MAN1B1: variants seen among roughly 807,000 people sequenced by gnomAD.
MAN1B1 encodes the protein endoplasmic reticulum mannosyl-oligosaccharide 1,2-alpha-mannosidase.
MAN1B1 carries 66 observed loss-of-function variants against 75.5 expected under a neutral mutation model. That is an observed-to-expected ratio of 0.87 (90% CI 0.72 to 1.07). The LOEUF (loss-of-function observed/expected upper bound fraction) is 1.07, where lower values mean the gene tolerates loss of function less well. Among genes scored for constraint, MAN1B1 ranks in the 50% least tolerant of loss-of-function variants. The probability of loss-of-function intolerance (pLI) is 0.00; values close to 1 mark genes in which losing one functional copy is unlikely to be tolerated. For synonymous variants in MAN1B1, 453 were observed against 382.8 expected, an observed-to-expected ratio of 1.18 and a Z score of -2.14; for missense variants, 973 against 912.5, an observed-to-expected ratio of 1.07 and a Z score of -0.85.
intron 6 of MAN1B1, 146 bp from the exon 7 acceptor site, chr9:137,100,859 A>T (rs908362358): frequency 7.0e-6 from 6 of 854,936 alleles, no homozygotes; most frequent in African/African-American, 1.7e-5. Flanking sequence ...GGCTCAAGCA[A>T]TCCACTTGCC....
intron 12 of MAN1B1, 142 bp downstream of exon 12, chr9:137,107,804 G>T: frequency 8.3e-7 from 1 of 1,201,132 alleles, no homozygotes; most frequent in South Asian, 1.3e-5. Flanking sequence ...CCTCGGGGTG[G>T]CCACACTGCA....
chr9:137,093,839 A>G (rs1300436540), intron 3 of MAN1B1, among the ~76,000 whole-genome samples: 1 of 151,960 alleles, frequency 6.6e-6, no homozygotes, highest in East Asian at 1.9e-4. Flanking sequence ...GTCTCAAAAA[A>G]AAGAGAAAAG....
intron 8 of MAN1B1, chr9:137,105,487 A>G: frequency 5.0e-6 from 1 of 201,634 alleles, no homozygotes; most frequent in Non-Finnish European, 1.0e-5. Flanking sequence ...ACACAGGGAT[A>G]GGCAGCCAGG....
chr9:137,092,435 C>T (rs1023604642), intron 3 of MAN1B1, among the ~76,000 whole-genome samples: 14 of 152,064 alleles, frequency 9.2e-5, no homozygotes, highest in African/African-American at 2.4e-4. Flanking sequence ...CACGTGTGTA[C>T]GTAATTGAGG....
At chr9:137,101,824 C>A (rs1048068466) in intron 8 of MAN1B1, 152 bp downstream of exon 8, 1 of 969,088 alleles carries the variant, frequency 1.0e-6, no homozygotes, top group Non-Finnish European at 1.6e-6. Context: ...TTAACCATTT[C>A]CAGGCGTGGT....
chr9:137,102,259 G>C (rs1272875924), intron 8 of MAN1B1: 1 of 445,268 alleles, frequency 2.2e-6, no homozygotes, highest in African/African-American at 2.0e-5. Flanking sequence ...TGTTGCAGGA[G>C]TATAGGTCGG....
rs1037141680 is a variant in MAN1B1, at chr9:137,101,634, C to T, written c.1216C>T (p.Arg406Trp). 4.3e-6 allele frequency: 7 copies of T among 1,613,124 alleles called. No individual in the cohort carries two copies. Among genetic ancestry groups the T allele is most frequent in the African/African-American group, 2.7e-5 (2 of 74,936 alleles). ...AEVTSIQLEF[R>W]ELSRLTGDKK... Reference sequence around the variant, plus strand: ...GGTGACCAGCATTCAGCTGGAGTTCCGGGAGCTCTCCCGTCTCACAGGGGA... The same window carrying T: ...GGTGACCAGCATTCAGCTGGAGTTCTGGGAGCTCTCCCGTCTCACAGGGGA... Residue 406 changes from arginine to tryptophan, a missense_variant, in exon 8 of 13, where the codon CGG becomes TGG. By Grantham distance (101) the Arg-to-Trp change is moderately radical. Transcript: ENST00000371589.
intron 2 of MAN1B1, 149 bp from the exon 3 acceptor site, chr9:137,088,720 T>G: frequency 1.1e-6 from 1 of 909,002 alleles, no homozygotes; most frequent in Non-Finnish European, 1.7e-6. Context: ...TTCATTCCCT[T>G]GGGACATTGT....
chr9:137,087,173 GAACTATGA>G lies in MAN1B1; in HGVS notation c.175_182del (p.Asn59GlnfsTer45). 1 of 1,594,700 alleles carries G rather than the reference GAACTATGA, an allele frequency of 6.3e-7. No homozygotes were observed. The highest frequency in any genetic ancestry group is 8.5e-7 in the Non-Finnish European group (1 of 1,171,596). On this transcript the variant is annotated frameshift_variant, in exon 1 of 13. Transcript: ENST00000371589. LOFTEE classifies it high-confidence loss of function. ...TCTCGGTGACGCTGAGCTTTGGCGA[GAACTATGA>G]CAACAGCAAGAGTTGGCGGCGGCGC...
intron 3 of MAN1B1, 43 bp downstream of exon 3, chr9:137,089,048 C>T: frequency 6.2e-7 from 1 of 1,611,802 alleles, no homozygotes; most frequent in East Asian, 2.2e-5. Context: ...GGGGTTCAAT[C>T]CAGAGGCATT....
chr9:137,101,133 A>G lies in MAN1B1; in HGVS notation c.1045A>G (p.Ser349Gly). The G allele has an allele frequency of 1.9e-6, 3 of 1,614,092 alleles. No individual in the cohort carries two copies. Among genetic ancestry groups the G allele is most frequent in the Admixed American group, 3.3e-5 (2 of 60,026 alleles). Residue 349 changes from serine (S) to glycine (G), a missense_variant, in exon 7 of 13, where the codon AGC (serine) becomes GGC (glycine). Ser to Gly is a moderately conservative substitution (Grantham distance 56). Coordinates refer to ENST00000371589, the MANE Select transcript of MAN1B1 (RefSeq NM_016219.5). ...LLSAYHLSGDSLFLRKAEDFG... is the reference protein window; with the variant it reads ...LLSAYHLSGDGLFLRKAEDFG... The stretch of plus-strand genomic sequence containing the variant: ...GAGTGCCTACCACCTGTCTGGGGAC[A>G]GCCTCTTCCTGAGGAAAGCTGTAAG...
chr9:137,091,076 G>A (rs1830501573), intron 3 of MAN1B1, among the ~76,000 whole-genome samples: 1 of 152,128 alleles, frequency 6.6e-6, no homozygotes, highest in Non-Finnish European at 1.5e-5. Context: ...ATTGGCCATG[G>A]GGCCACTGCT....
In MAN1B1 at chr9:137,106,133, GGAGAA is replaced by G; in HGVS notation, c.1265_1269del (p.Glu422GlyfsTer44). Reference sequence around the variant, plus strand: ...CCCCCTTTCTGCCGCAGGAGGCAGTGGAGAAGGTGACACAGCACATCCACGGCCTG... The same window carrying G: ...CCCCCTTTCTGCCGCAGGAGGCAGTGGGTGACACAGCACATCCACGGCCTG... On this transcript the variant is annotated frameshift_variant, in exon 9 of 13. Transcript: ENST00000371589. LOFTEE classifies it high-confidence loss of function. 1 of 1,612,858 alleles carries G rather than the reference GGAGAA, an allele frequency of 6.2e-7. No individual in the cohort carries two copies. The highest frequency in any genetic ancestry group is 8.5e-7 in the Non-Finnish European group (1 of 1,179,836).
intron 2 of MAN1B1, chr9:137,088,415 C>T: frequency 6.4e-7 from 1 of 1,572,468 alleles, no homozygotes; most frequent in Non-Finnish European, 8.6e-7. Context: ...ACTGATATGT[C>T]CAGCCTCCCT....
chr9:137,107,292 G>A lies in MAN1B1; in HGVS notation c.1609G>A (p.Val537Ile), dbSNP rs761928483. The A allele has an allele frequency of 1.4e-5, 23 of 1,613,098 alleles. No individual in the cohort carries two copies. The highest frequency in any genetic ancestry group is 1.1e-4 in the East Asian group (5 of 44,874). ...CCTGCCAGGGACGCTGGCTCTGGGCGTCTACCACGGCCTGCCCGCCAGCCA... is the reference window on the plus strand; with the variant it reads ...CCTGCCAGGGACGCTGGCTCTGGGCATCTACCACGGCCTGCCCGCCAGCCA... ...CFLPGTLALG[V>I]YHGLPASHME... The change falls in exon 11 of 13, where the codon GTC becomes ATC. Residue 537 changes from valine (V) to isoleucine (I), a missense_variant. Val to Ile is a conservative substitution (Grantham distance 29, BLOSUM62 3). Transcript: ENST00000371589.
intron 3 of MAN1B1, among the ~76,000 whole-genome samples, chr9:137,093,875 G>T (rs2130997536): frequency 6.6e-6 from 1 of 152,158 alleles, no homozygotes; most frequent in East Asian, 1.9e-4. Context: ...AAATTCATCT[G>T]TAAATCCATT....
rs980608578 is a variant in MAN1B1, at chr9:137,105,709, G to A, written c.1255-416G>A. On this transcript the variant is annotated intron_variant, in intron 8 of 12. Transcript: ENST00000371589. Reference sequence around the variant, plus strand: ...CACCAGGAGGGCGTGGAGCCGAGGCGTTTAATATCATCAGGAGCAACACTG... The same window carrying A: ...CACCAGGAGGGCGTGGAGCCGAGGCATTTAATATCATCAGGAGCAACACTG... 2.2e-5 allele frequency: 8 copies of A among 360,518 alleles called. No individual in the cohort carries two copies. The East Asian group carries it at 5.4e-4, about 24-fold the overall frequency. The allele number at this position is 360,518 out of a possible 1,614,324, so 22.3% of individuals were successfully genotyped here.
At chr9:137,100,644 G>A (rs1830784168) in intron 6 of MAN1B1, among the ~76,000 whole-genome samples, 2 of 152,200 alleles carry the variant, frequency 1.3e-5, no homozygotes, top group African/African-American at 4.8e-5. Context: ...TTTGGAGACA[G>A]AGTCTAGTGG....
chr9:137,094,948 G>A (rs1293864255), intron 3 of MAN1B1, among the ~76,000 whole-genome samples: 2 of 152,024 alleles, frequency 1.3e-5, no homozygotes, highest in African/African-American at 4.8e-5. Flanking sequence ...AGCACTTTGG[G>A]AGGCTGAGGT....
Sources: gnomAD v4.1 joint callset for allele counts (sites outside exome capture counted in the v4.1 genomes callset) on GRCh38, gnomAD v4.1.1 for gene constraint, MANE v1.5 for transcripts, NCBI Gene and HGNC (gene_info 2026-07-23, HGNC 2026-07-21) for gene names.